Variants in SCOC observed in about 807,000 individuals in gnomAD.
SCOC encodes the protein short coiled-coil protein.
A neutral mutation model predicts 9.9 loss-of-function variants in SCOC; 7 were observed. That is an observed-to-expected ratio of 0.71 (90% CI 0.40 to 1.33). The LOEUF (loss-of-function observed/expected upper bound fraction) is 1.33, where lower values mean the gene tolerates loss of function less well. Ranked by LOEUF, SCOC falls within the 40% of genes most tolerant of loss-of-function variation. SCOC has a pLI of 0.01. For missense variants in SCOC, 66 were observed against 89.7 expected (o/e 0.74, Z 1.07); for synonymous variants, 19 against 28.2 (o/e 0.67, Z 1.03).
intron 1 of SCOC, among the ~76,000 whole-genome samples, chr4:140,326,601 C>T (rs1050392351): frequency 4.0e-5 from 6 of 151,740 alleles, no homozygotes; most frequent in African/African-American, 1.5e-4. Flanking sequence ...TCTGTAGGCC[C>T]ACGCTTTACA....
At chr4:140,308,539 G>C (rs530124753) in intron 1 of SCOC, among the ~76,000 whole-genome samples, 58 of 152,242 alleles carry the variant, frequency 3.8e-4, no homozygotes, top group Admixed American at 3.3e-3. Flanking sequence ...AAGATTCTTT[G>C]ATGACACCAA....
chr4:140,356,543 T>C (rs1004130311), intron 2 of SCOC, among the ~76,000 whole-genome samples: 1 of 152,250 alleles, frequency 6.6e-6, no homozygotes, highest in African/African-American at 2.4e-5. Context: ...CCATCTTTAC[T>C]TGACTTTCAT....
intron 1 of SCOC, among the ~76,000 whole-genome samples, chr4:140,282,430 C>T (rs1168531703): frequency 3.3e-5 from 5 of 152,196 alleles, no homozygotes; most frequent in Admixed American, 6.5e-5. Context: ...TATTGAGATA[C>T]TAATCTACGC....
chr4:140,330,389 A>T (rs1732782405), intron 1 of SCOC, among the ~76,000 whole-genome samples: 1 of 152,184 alleles, frequency 6.6e-6, no homozygotes, highest in African/African-American at 2.4e-5. Context: ...CATGTAACCA[A>T]ACACCACTTG....
Position 140,259,031 on chromosome 4 carries a change from C to T in SCOC, c.-19+1621C>T, listed in dbSNP as rs542607576. Among the ~76,000 whole-genome samples the T allele has an allele frequency of 1.3e-4, 20 of 152,320 alleles. No homozygotes were observed. The South Asian group carries it at 3.9e-3, about 30-fold the overall frequency. On this transcript the variant is annotated intron_variant, in intron 1 of 4. Coordinates refer to the SCOC transcript ENST00000394205. ...GCTCTCAACAAGTGGAATTGGACGT[C>T]TCTTTCATAGCAGCATTTAATACAG...
chr4:140,333,165 C>T (rs1732868628), intron 1 of SCOC, among the ~76,000 whole-genome samples: 1 of 152,178 alleles, frequency 6.6e-6, no homozygotes, highest in African/African-American at 2.4e-5. Context: ...TGCCCTCGGG[C>T]TGGCTCCTTC....
At chr4:140,364,212 A>G (rs1479235313) in intron 2 of SCOC, among the ~76,000 whole-genome samples, 1 of 152,114 alleles carries the variant, frequency 6.6e-6, no homozygotes, top group Non-Finnish European at 1.5e-5. Flanking sequence ...ATGTGATTTG[A>G]GAAAAAGCGA....
intron 1 of SCOC, among the ~76,000 whole-genome samples, chr4:140,317,926 C>G (rs573130836): frequency 0.015 from 2,109 of 141,806 alleles, 11 homozygotes; most frequent in Non-Finnish European, 0.023. Context: ...TCAATTCCCA[C>G]CTATGAGTGA....
At chr4:140,374,018 C>T in intron 1 of SCOC, 1 of 574,316 alleles carries the variant, frequency 1.7e-6, no homozygotes, top group Non-Finnish European at 3.3e-6. Context: ...GCTCCTGGGT[C>T]GGGAGCCGCT....
At chr4:140,361,544 A>G (rs1025935407) in intron 2 of SCOC, among the ~76,000 whole-genome samples, 3 of 152,244 alleles carry the variant, frequency 2.0e-5, no homozygotes, top group African/African-American at 7.2e-5. Context: ...CTGTAGTCCC[A>G]GCTATTTGAG....
chr4:140,279,861 C>A (rs1404154268), intron 1 of SCOC, among the ~76,000 whole-genome samples: 1 of 152,152 alleles, frequency 6.6e-6, no homozygotes, highest in Non-Finnish European at 1.5e-5. Flanking sequence ...GTGTCAGCAA[C>A]CCAGACTTCT....
intron 1 of SCOC, among the ~76,000 whole-genome samples, chr4:140,301,776 A>G (rs951139044): frequency 4.6e-5 from 7 of 152,174 alleles, no homozygotes; most frequent in African/African-American, 1.7e-4. Context: ...GAATTACACA[A>G]TCACTTTTTC....
intron 1 of SCOC, among the ~76,000 whole-genome samples, chr4:140,273,933 G>A (rs868859127): frequency 2.6e-5 from 4 of 152,148 alleles, no homozygotes; most frequent in African/African-American, 7.2e-5. Context: ...ATGATAGCCC[G>A]TCTGATTGGA....
chr4:140,347,673 C>T (rs976852852), intron 2 of SCOC, among the ~76,000 whole-genome samples: 9 of 152,162 alleles, frequency 5.9e-5, no homozygotes, highest in African/African-American at 1.9e-4. Flanking sequence ...AAACAGAAAT[C>T]GCAAATTCAA....
At chr4:140,342,819 C>T (rs2126510479), upstream of SCOC, among the ~76,000 whole-genome samples, 1 of 152,272 alleles carries the variant, frequency 6.6e-6, no homozygotes, top group African/African-American at 2.4e-5. Context: ...CAAAGGGTCC[C>T]TGCCTAAGGG....
chr4:140,281,801 C>T (rs1260884796), intron 1 of SCOC, among the ~76,000 whole-genome samples: 1 of 152,178 alleles, frequency 6.6e-6, no homozygotes, highest in Non-Finnish European at 1.5e-5. Flanking sequence ...TGCAGCCAAT[C>T]AGCAACGGAA....
chr4:140,287,207 C>T (rs1308052116), intron 1 of SCOC, among the ~76,000 whole-genome samples: 2 of 151,890 alleles, frequency 1.3e-5, no homozygotes, highest in Non-Finnish European at 2.9e-5. Flanking sequence ...ACATCATGTG[C>T]AAATGCCACA....
chr4:140,348,782 A>G (rs546012839), intron 2 of SCOC, among the ~76,000 whole-genome samples: 1 of 151,874 alleles, frequency 6.6e-6, no homozygotes, highest in South Asian at 2.1e-4. Flanking sequence ...GTTTTGAGGA[A>G]CCTCCACACT....
chr4:140,339,131 T>TAACAGAA (rs1349368470), upstream of SCOC, among the ~76,000 whole-genome samples: 38 of 152,198 alleles, frequency 2.5e-4, no homozygotes, highest in African/African-American at 9.2e-4. Flanking sequence ...AACAGACCCC[T>TAACAGAA]CAGAAATAAT....
Sources: allele counts gnomAD v4.1 joint callset (sites outside exome capture counted in the v4.1 genomes callset), GRCh38; gene constraint gnomAD v4.1.1; transcripts MANE v1.5; gene names NCBI Gene and HGNC (gene_info 2026-07-23, HGNC 2026-07-21).